KCNH7: variants seen among roughly 807,000 people sequenced by gnomAD.
The protein encoded by KCNH7 is potassium voltage-gated channel subfamily H member 7, also known as voltage-gated inwardly rectifying potassium channel KCNH7.
Under a neutral mutation model 120.8 loss-of-function variants are expected in KCNH7, and 49 were observed. That is an observed-to-expected ratio of 0.41 (90% CI 0.32 to 0.51). The LOEUF is 0.51. KCNH7 is among the 20% of genes least tolerant of loss of function. KCNH7 has a pLI of 0.38. For synonymous variants in KCNH7, 547 were observed against 516.1 expected (o/e 1.06, Z -0.81); for missense variants, 1,097 against 1,446.6 (o/e 0.76, Z 3.92).
chr2:162,431,454 A>G (rs906432281), intron 8 of KCNH7, among the ~76,000 whole-genome samples: 1 of 152,026 alleles, frequency 6.6e-6, no homozygotes, highest in Admixed American at 6.6e-5. Flanking sequence ...ATATACACCT[A>G]TATACATCAA....
At chr2:162,578,540 A>G (rs907109212) in intron 2 of KCNH7, among the ~76,000 whole-genome samples, 1 of 151,996 alleles carries the variant, frequency 6.6e-6, no homozygotes, top group Non-Finnish European at 1.5e-5. Flanking sequence ...AGCAGGGCAG[A>G]TGAGGGTAGA....
chr2:162,807,954 T>C (rs1324835859), intron 2 of KCNH7, among the ~76,000 whole-genome samples: 1 of 152,208 alleles, frequency 6.6e-6, no homozygotes, highest in Non-Finnish European at 1.5e-5. Flanking sequence ...AGTGCTGGGA[T>C]TACAGGCGTG....
chr2:162,375,895 T>TAAAAAAAAAAA (rs1224297777), intron 14 of KCNH7, among the ~76,000 whole-genome samples: 1 of 92,134 alleles, frequency 1.1e-5, no homozygotes, highest in Non-Finnish European at 2.2e-5. Context: ...AGACCCTATC[T>TAAAAAAAAAAA]AAAAAAAAAA....
intron 8 of KCNH7, among the ~76,000 whole-genome samples, chr2:162,425,613 T>C (rs1687834162): frequency 6.6e-6 from 1 of 152,138 alleles, no homozygotes; most frequent in Non-Finnish European, 1.5e-5. Flanking sequence ...GTTTCCAAAA[T>C]ACCTATCATG....
intron 2 of KCNH7, among the ~76,000 whole-genome samples, chr2:162,543,499 G>A (rs1448057372): frequency 6.6e-6 from 1 of 152,100 alleles, no homozygotes; most frequent in Non-Finnish European, 1.5e-5. Flanking sequence ...TCATATTCAT[G>A]TTCTGCTGTG....
chr2:162,477,012 G>A (rs1689767723), intron 6 of KCNH7, among the ~76,000 whole-genome samples: 1 of 152,166 alleles, frequency 6.6e-6, no homozygotes, highest in African/African-American at 2.4e-5. Context: ...AGGAACTAGG[G>A]CATCTAAGGG....
chr2:162,755,066 C>T (rs1473005303), intron 2 of KCNH7, among the ~76,000 whole-genome samples: 1 of 152,086 alleles, frequency 6.6e-6, no homozygotes, highest in Non-Finnish European at 1.5e-5. Context: ...AGTTTTTTCT[C>T]TAGAACAACA....
At chr2:162,727,555 G>T (rs1280490336) in intron 2 of KCNH7, among the ~76,000 whole-genome samples, 2 of 152,082 alleles carry the variant, frequency 1.3e-5, no homozygotes, top group South Asian at 2.1e-4. Context: ...ACTTTTTAAA[G>T]AATTCCATAT....
Position 162,538,393 on chromosome 2 carries a change from C to T in KCNH7, c.308-1313G>A, listed in dbSNP as rs371608927. On this transcript the variant is annotated intron_variant, in intron 2 of 15. Transcript: ENST00000332142. ...TTTTTTTCACAACTAGCTGAGACCA[C>T]CTTGAATCTTGAGGAGAATGATGAT... is the stretch of plus-strand genomic sequence containing the variant. Among the ~76,000 whole-genome samples the T allele has an allele frequency of 8.6e-4, 131 of 152,046 alleles. 2 individuals carry two copies. In the South Asian group the frequency reaches 0.015, roughly 18 times the overall value.
At chr2:162,834,735 T>C (rs1241808930) in intron 2 of KCNH7, among the ~76,000 whole-genome samples, 2 of 152,140 alleles carry the variant, frequency 1.3e-5, no homozygotes, top group African/African-American at 2.4e-5. Context: ...ACACCCACAT[T>C]GCACAACTTT....
intron 9 of KCNH7, among the ~76,000 whole-genome samples, chr2:162,406,898 C>T (rs1321469014): frequency 6.6e-6 from 1 of 151,978 alleles, no homozygotes; most frequent in Admixed American, 6.6e-5. Context: ...AGGAAACATA[C>T]ATATTTCCTG....
At chr2:162,566,583 T>C (rs1693264889) in intron 2 of KCNH7, among the ~76,000 whole-genome samples, 1 of 152,074 alleles carries the variant, frequency 6.6e-6, no homozygotes, top group Non-Finnish European at 1.5e-5. Context: ...TATTCATTGA[T>C]TCATTATTCA....
intron 2 of KCNH7, among the ~76,000 whole-genome samples, chr2:162,687,546 T>C (rs2105322878): frequency 6.6e-6 from 1 of 152,224 alleles, no homozygotes; most frequent in Admixed American, 6.6e-5. Flanking sequence ...GACTATGCAA[T>C]TTTTCCCAAT....
intron 3 of KCNH7, among the ~76,000 whole-genome samples, chr2:162,533,050 A>T (rs530530982): frequency 6.6e-6 from 1 of 151,920 alleles, no homozygotes; most frequent in Non-Finnish European, 1.5e-5. Flanking sequence ...TGCCGTAATA[A>T]TTTTATTTTT....
chr2:162,407,020 T>C (rs1416410005), intron 9 of KCNH7, among the ~76,000 whole-genome samples: 2 of 152,020 alleles, frequency 1.3e-5, no homozygotes, highest in African/African-American at 2.4e-5. Flanking sequence ...GCCCAAATTG[T>C]TTCATCATCT....
At position 162,391,971 on chromosome 2, in the gene KCNH7, A is replaced by G. The variant is rs140245900; in HGVS notation, c.2710+2418T>C. ...TGCAGAACAAAATTATCAACTATCTATGAGTAGTCTATTGTTCTACAGTCA... is the reference window on the plus strand; with the variant it reads ...TGCAGAACAAAATTATCAACTATCTGTGAGTAGTCTATTGTTCTACAGTCA... On this transcript the variant is annotated intron_variant, in intron 12 of 15. Coordinates refer to ENST00000332142, the MANE Select transcript of KCNH7 (RefSeq NM_033272.4). Among the ~76,000 whole-genome samples the G allele has an allele frequency of 1.9e-3, 292 of 152,172 alleles. 2 individuals carry two copies. The highest frequency in any genetic ancestry group is 3.4e-3 in the Middle Eastern group (1 of 294).
At chr2:162,685,371 C>A (rs1015877243) in intron 2 of KCNH7, among the ~76,000 whole-genome samples, 4 of 151,848 alleles carry the variant, frequency 2.6e-5, no homozygotes, top group African/African-American at 9.7e-5. Flanking sequence ...TTAGACCATA[C>A]GTTCTGGGAA....
chr2:162,628,622 T>A (rs2105211958), intron 2 of KCNH7, among the ~76,000 whole-genome samples: 1 of 152,196 alleles, frequency 6.6e-6, no homozygotes, highest in African/African-American at 2.4e-5. Flanking sequence ...GGCCCCCGTG[T>A]GTGTTGTTCC....
intron 9 of KCNH7, among the ~76,000 whole-genome samples, chr2:162,413,167 T>G (rs1687440174): frequency 6.6e-6 from 1 of 151,998 alleles, no homozygotes; most frequent in South Asian, 2.1e-4. Flanking sequence ...CCTGCTCTTG[T>G]CCCCCAGGGT....
Sources: gnomAD v4.1 joint callset for allele counts (sites outside exome capture counted in the v4.1 genomes callset) on GRCh38, gnomAD v4.1.1 for gene constraint, MANE v1.5 for transcripts, NCBI Gene and HGNC (gene_info 2026-07-23, HGNC 2026-07-21) for gene names.